NKAIN3: variants seen among roughly 807,000 people sequenced by gnomAD.
The protein encoded by NKAIN3 is sodium/potassium-transporting ATPase subunit beta-1-interacting protein 3.
A neutral mutation model predicts 30.2 loss-of-function variants in NKAIN3; 25 were observed. That is an observed-to-expected ratio of 0.83 (90% CI 0.60 to 1.16). NKAIN3 has a LOEUF of 1.16. NKAIN3 is among the 50% of genes most tolerant of loss of function. NKAIN3 has a pLI of 0.00. For missense variants in NKAIN3, 225 were observed against 254.1 expected (o/e 0.89, Z 0.78); for synonymous variants, 91 against 89.6 (o/e 1.02, Z -0.09).
chr8:62,275,545 A>G (rs906531505), intron 1 of NKAIN3, among the ~76,000 whole-genome samples: 7 of 152,336 alleles, frequency 4.6e-5, no homozygotes, highest in African/African-American at 1.7e-4. Context: ...TTTTGTAATC[A>G]TAAAAATTCT....
At chr8:62,854,605 G>C (rs1820006373) in intron 4 of NKAIN3, among the ~76,000 whole-genome samples, 1 of 152,060 alleles carries the variant, frequency 6.6e-6, no homozygotes, top group Non-Finnish European at 1.5e-5. Context: ...ATGTTAGATA[G>C]CTCTCTTGAA....
At chr8:62,928,335 CCTCT>C (rs1269269771) in intron 5 of NKAIN3, among the ~76,000 whole-genome samples, 2 of 151,922 alleles carry the variant, frequency 1.3e-5, no homozygotes, top group Admixed American at 1.3e-4. Flanking sequence ...TCTCTCTCTC[CCTCT>C]CTCTCTTTCT....
intron 3 of NKAIN3, among the ~76,000 whole-genome samples, chr8:62,730,901 A>AT (rs910259782): frequency 1.3e-5 from 2 of 152,120 alleles, no homozygotes; most frequent in African/African-American, 4.8e-5. Context: ...GGAATCATAG[A>AT]TTTTCACTGA....
chr8:62,787,733 T>C (rs1400382549), intron 4 of NKAIN3, among the ~76,000 whole-genome samples: 2 of 152,020 alleles, frequency 1.3e-5, no homozygotes, highest in East Asian at 1.9e-4. Flanking sequence ...CCTGTGTCCA[T>C]GTGTTCTCAT....
chr8:62,268,247 A>G (rs1421491378), intron 1 of NKAIN3, among the ~76,000 whole-genome samples: 1 of 152,196 alleles, frequency 6.6e-6, no homozygotes. Context: ...AAGGAAGAGG[A>G]CAGATGCAGA....
intron 1 of NKAIN3, among the ~76,000 whole-genome samples, chr8:62,546,390 T>TG (rs1329179785): frequency 6.6e-6 from 1 of 152,196 alleles, no homozygotes; most frequent in Non-Finnish European, 1.5e-5. Flanking sequence ...CTATGGCTGT[T>TG]GCATTTCTGA....
At position 62,770,978 on chromosome 8, in the gene NKAIN3, A is replaced by G. The variant is rs192604287; in HGVS notation, c.471+23849A>G. 6.6e-4 allele frequency among the ~76,000 whole-genome samples: 101 copies of G among 152,308 alleles called. 1 individual carries two copies. The Middle Eastern group carries it at 0.01, about 15-fold the overall frequency. ...CAGTTTTCAACGACAACAAAAAATGAGACATGCAAAGAAACAAGAAAGTGT... is the reference window on the plus strand; with the variant it reads ...CAGTTTTCAACGACAACAAAAAATGGGACATGCAAAGAAACAAGAAAGTGT... On this transcript the variant is annotated intron_variant, in intron 4 of 6. Transcript: ENST00000623646.
At chr8:62,787,255 A>G (rs981578129) in intron 4 of NKAIN3, among the ~76,000 whole-genome samples, 3 of 152,182 alleles carry the variant, frequency 2.0e-5, no homozygotes, top group African/African-American at 7.2e-5. Context: ...TATTAAAAAC[A>G]TATCGCTTAT....
chr8:62,389,312 A>G (rs1004685258), intron 1 of NKAIN3, among the ~76,000 whole-genome samples: 4 of 152,220 alleles, frequency 2.6e-5, no homozygotes, highest in Admixed American at 6.5e-5. Context: ...ATCGCCTCAA[A>G]TATCTATCAT....
At chr8:62,795,783 C>A (rs1251881104) in intron 4 of NKAIN3, among the ~76,000 whole-genome samples, 2 of 152,032 alleles carry the variant, frequency 1.3e-5, no homozygotes, top group Non-Finnish European at 2.9e-5. Context: ...TCCTTAGGCC[C>A]AGAAAATCAT....
chr8:62,660,911 C>T (rs552647469), intron 3 of NKAIN3, among the ~76,000 whole-genome samples: 22 of 152,334 alleles, frequency 1.4e-4, no homozygotes, highest in Middle Eastern at 6.8e-3. Context: ...CCTTGGGTCC[C>T]TTCAGGCATC....
At position 62,417,192 on chromosome 8, in the gene NKAIN3, T is replaced by G. The variant is rs887782715; in HGVS notation, c.55-162347T>G. 6.6e-5 allele frequency among the ~76,000 whole-genome samples: 10 copies of G among 152,208 alleles called. No individual in the cohort carries two copies. In the South Asian group the frequency reaches 1.9e-3, roughly 28 times the overall value. ...TCCATGAGTTCAATTGTTTTGATTT[T>G]TTAGATCCCACAAGTAAGTGAGAAT... On this transcript the variant is annotated intron_variant, in intron 1 of 6. Transcript: ENST00000623646.
intron 4 of NKAIN3, chr8:62,856,914 C>A: frequency 5.2e-6 from 3 of 578,644 alleles, no homozygotes; most frequent in South Asian, 4.8e-5. Context: ...CAAAGGGAGT[C>A]AACTCATCTT....
At chr8:62,595,195 T>C (rs931243268) in intron 3 of NKAIN3, among the ~76,000 whole-genome samples, 3 of 151,986 alleles carry the variant, frequency 2.0e-5, no homozygotes, top group Non-Finnish European at 4.4e-5. Flanking sequence ...TTTTGTGTAA[T>C]ATTACATCAA....
At chr8:62,533,264 A>C (rs1302741427) in intron 1 of NKAIN3, among the ~76,000 whole-genome samples, 1 of 152,230 alleles carries the variant, frequency 6.6e-6, no homozygotes, top group Non-Finnish European at 1.5e-5. Flanking sequence ...TCGAGGGGAC[A>C]CATGTAAAAA....
chr8:62,863,190 C>G, intron 4 of NKAIN3: 1 of 1,541,424 alleles, frequency 6.5e-7, no homozygotes, highest in South Asian at 1.1e-5. Context: ...CTTCTATCTC[C>G]TGCAGGCGTT....
chr8:62,411,778 A>G (rs946200390), intron 1 of NKAIN3, among the ~76,000 whole-genome samples: 1 of 152,206 alleles, frequency 6.6e-6, no homozygotes, highest in African/African-American at 2.4e-5. Context: ...CTAAGAGTCA[A>G]ATAAAGAACA....
chr8:62,940,932 T>G (rs972302980), intron 5 of NKAIN3, among the ~76,000 whole-genome samples: 2 of 148,198 alleles, frequency 1.3e-5, no homozygotes, highest in Non-Finnish European at 3.0e-5. Flanking sequence ...ACCAAATATA[T>G]TGAAAAAAAA....
intron 6 of NKAIN3, among the ~76,000 whole-genome samples, chr8:62,958,529 C>G (rs1823485849): frequency 6.6e-6 from 1 of 152,078 alleles, no homozygotes; most frequent in Non-Finnish European, 1.5e-5. Flanking sequence ...GAACCCAGAA[C>G]CCAGTGGTCA....
Sources: gnomAD v4.1 joint callset for allele counts (sites outside exome capture counted in the v4.1 genomes callset) on GRCh38, gnomAD v4.1.1 for gene constraint, MANE v1.5 for transcripts, NCBI Gene and HGNC (gene_info 2026-07-23, HGNC 2026-07-21) for gene names.